Variants in TMX2 observed in about 807,000 individuals in gnomAD.
TMX2 encodes the protein thioredoxin-related transmembrane protein 2.
Under a neutral mutation model 33.4 loss-of-function variants are expected in TMX2, and 20 were observed. That is an observed-to-expected ratio of 0.60 (90% CI 0.42 to 0.87). The LOEUF is 0.87. Among genes scored for constraint, TMX2 ranks in the 40% least tolerant of loss-of-function variants. The pLI is 0.00. For missense variants in TMX2, 340 were observed against 370.7 expected, an observed-to-expected ratio of 0.92 and a Z score of 0.68; for synonymous variants, 166 against 140.7, an observed-to-expected ratio of 1.18 and a Z score of -1.27.
Position 57,712,681 on chromosome 11 carries a change from C to A in TMX2, c.63C>A (p.Leu21=). The change falls in exon 1 of 8, where the codon CTC becomes CTA. Residue 21 remains leucine (L), a synonymous_variant. Transcript: ENST00000278422. ...VYSVPRLSRW[L]AQPYYLLSAL... is the part of the protein sequence containing the mutation. The stretch of plus-strand genomic sequence containing the variant: ...CGGTGCCGCGACTTTCACGATGGCT[C>A]GCCCAACCTTACTACCTTCTGTCGG... 6.2e-7 allele frequency: 1 copy of A among 1,614,186 alleles called. No individual in the cohort carries two copies. Among genetic ancestry groups the A allele is most frequent in the Non-Finnish European group, 8.5e-7 (1 of 1,180,026 alleles).
At chr11:57,726,146 T>TAC (rs1315408628) in intron 1 of TMX2, among the ~76,000 whole-genome samples, 1 of 152,016 alleles carries the variant, frequency 6.6e-6, no homozygotes, top group Non-Finnish European at 1.5e-5. Flanking sequence ...GGCGTGGTGG[T>TAC]TCACTCCTGT....
chr11:57,727,848 T>G (rs1241921210), intron 1 of TMX2, among the ~76,000 whole-genome samples: 1 of 152,222 alleles, frequency 6.6e-6, no homozygotes, highest in Non-Finnish European at 1.5e-5. Flanking sequence ...ACAATAAAAC[T>G]TGGCCTCCTC....
At position 57,738,374 on chromosome 11, in the gene TMX2, C is replaced by A; in HGVS notation, c.385C>A (p.Pro129Thr). ...LCIVFLMTCK[P>T]PLYMGPEYIK... ...TTTAGTGTTCCTGATGACGTGCAAACCCCCCCTATATATGGGCCCTGAGTA... is the reference window on the plus strand; with the variant it reads ...TTTAGTGTTCCTGATGACGTGCAAAACCCCCCTATATATGGGCCCTGAGTA... The change falls in exon 4 of 8, where the codon CCC (proline) becomes ACC (threonine). Residue 129 changes from proline to threonine, a missense_variant. By Grantham distance (38) the Pro-to-Thr change is conservative. Transcript: ENST00000278422. 1 of 1,605,498 alleles carries A rather than the reference C, an allele frequency of 6.2e-7. No homozygotes were observed. Among genetic ancestry groups the A allele is most frequent in the Non-Finnish European group, 8.5e-7 (1 of 1,172,432 alleles).
chr11:57,712,623 C>A lies in TMX2; in HGVS notation c.5C>A (p.Ala2Glu). 1 of 1,610,076 alleles carries A rather than the reference C, an allele frequency of 6.2e-7. No individual in the cohort carries two copies. Among genetic ancestry groups the A allele is most frequent in the Non-Finnish European group, 8.5e-7 (1 of 1,177,370 alleles). Reference sequence around the variant, plus strand: ...GTGGCCGTTACGGCCGAAAAGATGGCGGTCTTGGCACCTCTAATTGCTCTC... The same window carrying A: ...GTGGCCGTTACGGCCGAAAAGATGGAGGTCTTGGCACCTCTAATTGCTCTC... The part of the protein sequence containing the change: M[A>E]VLAPLIALVY... Residue 2 changes from alanine to glutamate, a missense_variant, in exon 1 of 8, where the codon GCG becomes GAG. Ala to Glu is a moderately radical substitution (Grantham distance 107). Coordinates refer to ENST00000278422, the MANE Select transcript of TMX2 (RefSeq NM_015959.4).
intron 1 of TMX2, among the ~76,000 whole-genome samples, chr11:57,735,567 G>A (rs1948696817): frequency 6.6e-6 from 1 of 152,162 alleles, no homozygotes; most frequent in Non-Finnish European, 1.5e-5. Flanking sequence ...TGTCAGGCAG[G>A]GAAGCATAGC....
In TMX2 at chr11:57,739,157, C is replaced by A. The variant is rs758932891; in HGVS notation, c.641C>A (p.Thr214Asn). 5 of 1,614,078 alleles carry A rather than the reference C, an allele frequency of 3.1e-6. No homozygotes were observed. The South Asian group carries it at 5.5e-5, about 18-fold the overall frequency. The change falls in exon 7 of 8, where the codon ACC becomes AAC. Residue 214 changes from threonine (T) to asparagine (N), a missense_variant. This residue lies in a region of TMX2 where 209 missense variants were observed against 241.6 expected (regional missense o/e 0.87). Coordinates refer to ENST00000278422, the MANE Select transcript of TMX2 (RefSeq NM_015959.4). ...TRYKVSTSPLTKQLPTLILFQ... is the reference protein window; with the variant it reads ...TRYKVSTSPLNKQLPTLILFQ... ...TACAAAGTGAGCACATCACCCCTCACCAAGCAACTCCCTACCCTGATCCTG... is the reference window on the plus strand; with the variant it reads ...TACAAAGTGAGCACATCACCCCTCAACAAGCAACTCCCTACCCTGATCCTG...
intron 1 of TMX2, among the ~76,000 whole-genome samples, chr11:57,722,063 G>A (rs1213300907): frequency 1.3e-5 from 2 of 152,064 alleles, no homozygotes; most frequent in East Asian, 1.9e-4. Flanking sequence ...TGGCATGGTC[G>A]CAGTTCACTA....
rs1400381548 is a variant in TMX2 at position 57,740,881 on chromosome 11, G to A, written c.*636G>A. The A allele has an allele frequency of 6.6e-6, 1 of 152,252 alleles. No individual in the cohort carries two copies. Among genetic ancestry groups the A allele is most frequent in the Non-Finnish European group, 1.5e-5 (1 of 68,076 alleles). The allele number at this position is 152,252 out of a possible 1,614,324, so 9.4% of individuals were successfully genotyped here. ...TTCCTTTGTGTGGTAGGACTTGGAG[G>A]AGAAATCCCCTGGACTTTCACTAAC... On this transcript the variant is annotated 3_prime_UTR_variant, in exon 8 of 8. Transcript: ENST00000278422.
intron 1 of TMX2, among the ~76,000 whole-genome samples, chr11:57,715,586 C>CTTTTTTT (rs367827761): frequency 8.0e-4 from 104 of 130,102 alleles, no homozygotes; most frequent in African/African-American, 2.9e-3. Flanking sequence ...AATTTGTTTT[C>CTTTTTTT]TTTTTTTTTT....
intron 1 of TMX2, among the ~76,000 whole-genome samples, chr11:57,713,573 A>G (rs1436356917): frequency 1.3e-5 from 2 of 152,218 alleles, no homozygotes; most frequent in Non-Finnish European, 2.9e-5. Context: ...GTAGGGGCCA[A>G]GGAAAAGCTT....
At chr11:57,730,627 A>T (rs937413715) in intron 1 of TMX2, among the ~76,000 whole-genome samples, 6 of 150,328 alleles carry the variant, frequency 4.0e-5, no homozygotes, top group African/African-American at 1.5e-4. Flanking sequence ...AATCCCAACT[A>T]CTCGGGAGGC....
intron 1 of TMX2, among the ~76,000 whole-genome samples, chr11:57,716,369 C>T (rs1392824851): frequency 3.4e-5 from 4 of 118,610 alleles, no homozygotes; most frequent in Admixed American, 7.8e-5. Flanking sequence ...CCCTCCCGGA[C>T]GGGGCGGCTG....
At chr11:57,738,326 T>G (rs1948874784) in intron 3 of TMX2, 28 bp from the exon 4 acceptor site, 9 of 1,540,248 alleles carry the variant, frequency 5.8e-6, no homozygotes, top group Non-Finnish European at 8.1e-6. Flanking sequence ...TTTTTATGTT[T>G]CCTTCGACAT....
intron 1 of TMX2, among the ~76,000 whole-genome samples, chr11:57,718,791 G>A (rs963885929): frequency 1.3e-5 from 2 of 150,714 alleles, no homozygotes; most frequent in African/African-American, 4.9e-5. Context: ...GAGAAGCTGG[G>A]ACTACAGGTG....
chr11:57,736,507 T>C (rs1328581020), intron 1 of TMX2, among the ~76,000 whole-genome samples: 3 of 152,074 alleles, frequency 2.0e-5, no homozygotes, highest in African/African-American at 7.2e-5. Flanking sequence ...AAAGGGCTTT[T>C]TGAGAGCTCT....
intron 1 of TMX2, 85 bp from the exon 2 acceptor site, chr11:57,737,523 T>C (rs1948823060): frequency 8.5e-7 from 1 of 1,174,064 alleles, no homozygotes; most frequent in Admixed American, 1.8e-5. Flanking sequence ...TCGCTATTGG[T>C]TTTTATTACA....
At chr11:57,737,872 G>A (rs1227883829) in intron 2 of TMX2, 41 bp from the exon 3 acceptor site, 1 of 1,614,220 alleles carries the variant, frequency 6.2e-7, no homozygotes, top group Non-Finnish European at 8.5e-7. Flanking sequence ...GGATATAGGA[G>A]TGCACAGCCC....
chr11:57,723,800 C>T (rs1376281410), intron 1 of TMX2, among the ~76,000 whole-genome samples: 1 of 76,916 alleles, frequency 1.3e-5, no homozygotes, highest in Non-Finnish European at 3.2e-5. Flanking sequence ...AAGACTCTGT[C>T]TCAAAAATAA....
Position 57,724,349 on chromosome 11 carries a change from CAGTT to C in TMX2, c.189+11546_189+11549del, listed in dbSNP as rs1947835723. On this transcript the variant is annotated intron_variant, in intron 1 of 7. Transcript: ENST00000278422. ...ACCAAGTGAAGTACCCCAGATGAAGCAGTTAGTATGTTTCATATACAAGCCATGT... is the reference window on the plus strand; with the variant it reads ...ACCAAGTGAAGTACCCCAGATGAAGCAGTATGTTTCATATACAAGCCATGT... 3.9e-5 allele frequency among the ~76,000 whole-genome samples: 6 copies of C among 152,146 alleles called. 1 individual carries two copies. In the South Asian group the frequency reaches 1.2e-3, roughly 32 times the overall value.
Sources: allele counts gnomAD v4.1 joint callset (sites outside exome capture counted in the v4.1 genomes callset), GRCh38; gene constraint gnomAD v4.1.1; regional missense constraint gnomAD v4.1.1; transcripts MANE v1.5; gene names NCBI Gene and HGNC (gene_info 2026-07-23, HGNC 2026-07-21).